The following DIAPH2 variants were observed in gnomAD, a reference collection of about 807,000 sequenced individuals.
DIAPH2 encodes the protein diaphanous related formin 2.
DIAPH2 carries 35 observed loss-of-function variants against 92.7 expected under a neutral mutation model. The observed-to-expected ratio is 0.38, with a 90% confidence interval of 0.29 to 0.50. DIAPH2 has a LOEUF of 0.50. Among genes scored for constraint, DIAPH2 ranks in the 20% least tolerant of loss-of-function variants. The probability of loss-of-function intolerance (pLI) is 0.94; values close to 1 mark genes in which losing one functional copy is unlikely to be tolerated. For missense variants in DIAPH2, 701 were observed against 819.5 expected, an observed-to-expected ratio of 0.86 and a Z score of 1.77; for synonymous variants, 301 against 280.4, an observed-to-expected ratio of 1.07 and a Z score of -0.73.
At chrX:97,438,371 T>G (rs1366918023) in intron 26 of DIAPH2, among the ~76,000 whole-genome samples, 3 of 81,502 alleles carry the variant, frequency 3.7e-5, no homozygotes, top group Non-Finnish European at 7.3e-5. Flanking sequence ...TTTTTTTTTT[T>G]TTTTTTTTTT....
intron 4 of DIAPH2, among the ~76,000 whole-genome samples, chrX:96,861,517 C>T (rs1048664128): frequency 2.0e-4 from 22 of 111,658 alleles, no homozygotes; most frequent in African/African-American, 6.8e-4. Context: ...TTAGTTTAGG[C>T]CACCATCCTC....
At position 96,764,879 on chromosome X, in the gene DIAPH2, T is replaced by C. The variant is rs754501629; in HGVS notation, c.447+6621T>C. 2.7e-5 allele frequency among the ~76,000 whole-genome samples: 3 copies of C among 111,170 alleles called. No individual in the cohort carries two copies. In the South Asian group the frequency reaches 1.2e-3, roughly 43 times the overall value. ...GGGTTAAATAACGAGTTTGGGGAGATAAGAGATTTTTAGCTTATTTTAATA... is the reference window on the plus strand; with the variant it reads ...GGGTTAAATAACGAGTTTGGGGAGACAAGAGATTTTTAGCTTATTTTAATA... On this transcript the variant is annotated intron_variant, in intron 4 of 26. Coordinates refer to ENST00000324765, the MANE Select transcript of DIAPH2 (RefSeq NM_006729.5).
At chrX:97,046,139 G>T (rs2066482469) in intron 17 of DIAPH2, among the ~76,000 whole-genome samples, 1 of 107,349 alleles carries the variant, frequency 9.3e-6, no homozygotes, top group Admixed American at 1.0e-4. Context: ...TTACAGGCAT[G>T]AGCCACCGTG....
intron 5 of DIAPH2, chrX:96,885,180 G>A (rs926179539): frequency 1.2e-6 from 1 of 830,729 alleles, no homozygotes; most frequent in Non-Finnish European, 1.7e-6. Context: ...TTAGGAAGTA[G>A]GACTAAAAAA....
intron 4 of DIAPH2, among the ~76,000 whole-genome samples, chrX:96,775,216 C>G (rs5949999): frequency 0.058 from 6,393 of 110,754 alleles, 205 homozygotes; most frequent in Middle Eastern, 0.16. Context: ...TCTCCCACTT[C>G]CTTTAATTTT....
At chrX:96,766,061 A>G (rs1037171789) in intron 4 of DIAPH2, among the ~76,000 whole-genome samples, 5 of 110,392 alleles carry the variant, frequency 4.5e-5, no homozygotes, top group Non-Finnish European at 7.6e-5. Context: ...TTTTATTATA[A>G]TAAGTCATTT....
chrX:97,008,897 T>C (rs187845548), intron 17 of DIAPH2, among the ~76,000 whole-genome samples: 200 of 111,300 alleles, frequency 1.8e-3, no homozygotes, highest in African/African-American at 6.1e-3. Context: ...ACACTGGTTC[T>C]CATACAAGGC....
intron 25 of DIAPH2, among the ~76,000 whole-genome samples, chrX:97,387,681 T>G (rs954940470): frequency 1.8e-5 from 2 of 111,960 alleles, no homozygotes; most frequent in African/African-American, 6.5e-5. Context: ...CAAAATAATG[T>G]TTGACCAAAT....
At chrX:97,263,025 G>T (rs939726726) in intron 23 of DIAPH2, among the ~76,000 whole-genome samples, 5 of 112,312 alleles carry the variant, frequency 4.5e-5, no homozygotes, top group African/African-American at 1.6e-4. Context: ...GATTAAAAAG[G>T]TATTATATGT....
At chrX:97,261,003 CT>C (rs2068284027) in intron 23 of DIAPH2, among the ~76,000 whole-genome samples, 1 of 112,541 alleles carries the variant, frequency 8.9e-6, no homozygotes, top group Non-Finnish European at 1.9e-5. Context: ...ATGCGTTAGT[CT>C]TTTAGAAGAA....
At chrX:97,528,230 T>C (rs1434919568) in intron 26 of DIAPH2, 1 of 112,466 alleles carries the variant, frequency 8.9e-6, no homozygotes, top group Non-Finnish European at 1.9e-5. Flanking sequence ...AGATGATATG[T>C]AAACCGCAAA....
At chrX:96,732,395 G>A (rs1427049097) in intron 1 of DIAPH2, among the ~76,000 whole-genome samples, 1 of 111,438 alleles carries the variant, frequency 9.0e-6, no homozygotes, top group Non-Finnish European at 1.9e-5. Flanking sequence ...TTTCCTTTTC[G>A]ATAGACCATA....
chrX:97,500,587 T>C (rs1416819249), intron 26 of DIAPH2, among the ~76,000 whole-genome samples: 1 of 109,073 alleles, frequency 9.2e-6, no homozygotes, highest in African/African-American at 3.3e-5. Flanking sequence ...AGCCTAAGAA[T>C]GAGCTTAGAT....
intron 26 of DIAPH2, among the ~76,000 whole-genome samples, chrX:97,491,733 C>G (rs774731557): frequency 8.9e-6 from 1 of 112,155 alleles, no homozygotes; most frequent in African/African-American, 3.2e-5. Flanking sequence ...TAGGGAAGGA[C>G]TTACTATTGC....
chrX:97,253,452 A>G (rs998162715), intron 23 of DIAPH2, among the ~76,000 whole-genome samples: 1 of 110,875 alleles, frequency 9.0e-6, no homozygotes, highest in African/African-American at 3.3e-5. Flanking sequence ...ATTTATGATA[A>G]TAATAAAGTA....
At chrX:97,264,897 T>A (rs773831980) in intron 23 of DIAPH2, among the ~76,000 whole-genome samples, 2 of 111,048 alleles carry the variant, frequency 1.8e-5, no homozygotes, top group South Asian at 7.7e-4. Context: ...GGCAGAAAAT[T>A]GCTTGAACCC....
chrX:97,415,468 G>A (rs1206682368), intron 25 of DIAPH2, among the ~76,000 whole-genome samples: 1 of 111,628 alleles, frequency 9.0e-6, no homozygotes, highest in Non-Finnish European at 1.9e-5. Flanking sequence ...GTCCATCAAC[G>A]ATAGACTGGA....
chrX:97,308,414 C>A (rs1351481866), intron 23 of DIAPH2, among the ~76,000 whole-genome samples: 2 of 110,468 alleles, frequency 1.8e-5, no homozygotes, highest in African/African-American at 6.6e-5. Context: ...TCTTCAAATC[C>A]CATCGCTTTA....
intron 17 of DIAPH2, among the ~76,000 whole-genome samples, chrX:96,999,362 C>T (rs375839302): frequency 1.8e-5 from 2 of 108,802 alleles, no homozygotes; most frequent in South Asian, 4.1e-4. Flanking sequence ...ATTAGCCTGG[C>T]GTGGTGGCGG....
Sources: gnomAD v4.1 joint callset for allele counts (sites outside exome capture counted in the v4.1 genomes callset) on GRCh38, gnomAD v4.1.1 for gene constraint, MANE v1.5 for transcripts, NCBI Gene and HGNC (gene_info 2026-07-23, HGNC 2026-07-21) for gene names.